Variants in DMD observed in about 807,000 individuals in gnomAD.
DMD encodes dystrophin.
In DMD, 63 loss-of-function variants were observed where a neutral mutation model predicts 330.1. The observed-to-expected ratio is 0.19, with a 90% CI of 0.16 to 0.24. The LOEUF is 0.24. Among genes scored for constraint, DMD ranks in the 10% least tolerant of loss-of-function variants. The probability of loss-of-function intolerance (pLI) is 1.00; values close to 1 mark genes in which losing one functional copy is unlikely to be tolerated. For synonymous variants in DMD, 1,223 were observed against 959.8 expected (o/e 1.27, Z -5.07); for missense variants, 3,344 against 2,684.1 (o/e 1.25, Z -5.43).
chrX:32,782,926 C>T (rs1310809640), intron 7 of DMD, among the ~76,000 whole-genome samples: 1 of 103,689 alleles, frequency 9.6e-6, no homozygotes, highest in Admixed American at 1.1e-4. Flanking sequence ...ACAAACACCC[C>T]ATGTACCCAC....
At chrX:32,728,788 T>C (rs1157299862) in intron 7 of DMD, among the ~76,000 whole-genome samples, 1 of 112,290 alleles carries the variant, frequency 8.9e-6, no homozygotes, top group Non-Finnish European at 1.9e-5. Context: ...GTTGGATTTA[T>C]TCTTATCTTT....
intron 67 of DMD, among the ~76,000 whole-genome samples, chrX:31,193,080 A>G (rs1052582744): frequency 1.3e-4 from 14 of 111,680 alleles, no homozygotes; most frequent in African/African-American, 4.6e-4. Context: ...ATTAGATGCT[A>G]CGGCATGTAT....
chrX:32,558,942 T>TTTTTTTTTTTTTTC lies in DMD; in HGVS notation c.1992+6759_1992+6760insGAAAAAAAAAAAAA, dbSNP rs1569199515. Reference sequence around the variant, plus strand: ...TGAGATGTAACTTCAAATTTTCTTTTTTTTTTTTTTTTTTTTTTTTTTTTT... The same window carrying TTTTTTTTTTTTTTC: ...TGAGATGTAACTTCAAATTTTCTTTTTTTTTTTTTTTTTCTTTTTTTTTTTTTTTTTTTTTTTTT... On this transcript the variant is annotated intron_variant, in intron 16 of 78. Transcript: ENST00000357033. Among the ~76,000 whole-genome samples the TTTTTTTTTTTTTTC allele has an allele frequency of 2.8e-3, 84 of 29,493 alleles. 1 individual carries two copies. The highest frequency in any genetic ancestry group is 0.011 in the African/African-American group (78 of 6,994). 25.6% of individuals were successfully genotyped at this position (29,493 alleles called of 115,157 possible). A position where few individuals can be genotyped will look rare whatever the true frequency, so the allele number is the denominator to read the frequency against.
chrX:33,337,505 T>A (rs754169209), intron 1 of DMD, among the ~76,000 whole-genome samples: 28 of 111,524 alleles, frequency 2.5e-4, no homozygotes, highest in African/African-American at 8.4e-4. Flanking sequence ...TAAACGGAAA[T>A]AATCAGAGTG....
At chrX:32,787,243 TGTGTGAGAGAGAGA>T (rs1456462033) in intron 7 of DMD, among the ~76,000 whole-genome samples, 2 of 93,550 alleles carry the variant, frequency 2.1e-5, no homozygotes, top group East Asian at 3.1e-4. Context: ...TGTGTGTGTG[TGTGTGAGAGAGAGA>T]GAGAGAGAGA....
intron 9 of DMD, among the ~76,000 whole-genome samples, chrX:32,675,879 G>A (rs756303707): frequency 5.4e-5 from 6 of 111,856 alleles, no homozygotes; most frequent in Non-Finnish European, 9.4e-5. Flanking sequence ...TCCAATATCA[G>A]TTAGTAATTT....
At position 33,211,463 on chromosome X, in the gene DMD, C is replaced by T; in HGVS notation, c.-151G>A. 1 of 1,132,393 alleles carries T rather than the reference C, an allele frequency of 8.8e-7. No individual in the cohort carries two copies. Among genetic ancestry groups the T allele is most frequent in the Non-Finnish European group, 1.2e-6 (1 of 855,370 alleles). The allele number at this position is 1,132,393 out of a possible 1,213,427, so 93.3% of individuals were successfully genotyped here. On this transcript the variant is annotated 5_prime_UTR_variant, in exon 1 of 79. Coordinates refer to ENST00000357033, the MANE Select transcript of DMD (RefSeq NM_004006.3). The stretch of plus-strand genomic sequence containing the variant: ...ACTTCAGTTTTTCCTATTCGTTTTT[C>T]TCCGAAGGTAATTGCCTCCCAGATC...
At chrX:33,033,554 C>CAAAAAAAAAAA (rs775790760) in intron 1 of DMD, among the ~76,000 whole-genome samples, 15 of 74,518 alleles carry the variant, frequency 2.0e-4, no homozygotes, top group African/African-American at 5.6e-4. Flanking sequence ...ACTAAAAATA[C>CAAAAAAAAAAA]AAAAAAAAAA....
intron 78 of DMD, among the ~76,000 whole-genome samples, chrX:31,124,359 G>T (rs2033306454): frequency 8.9e-6 from 1 of 111,741 alleles, no homozygotes; most frequent in Non-Finnish European, 1.9e-5. Context: ...ACAAACTACT[G>T]CCCTAAAGAA....
intron 1 of DMD, among the ~76,000 whole-genome samples, chrX:33,034,127 T>A (rs906367214): frequency 2.7e-5 from 3 of 111,103 alleles, no homozygotes; most frequent in Admixed American, 9.6e-5. Flanking sequence ...AAAGTTCATA[T>A]ATGCATGTGT....
At chrX:32,117,653 G>A (rs938373325) in intron 44 of DMD, among the ~76,000 whole-genome samples, 20 of 112,244 alleles carry the variant, frequency 1.8e-4, no homozygotes, top group African/African-American at 5.8e-4. Context: ...TGGGAGAAGA[G>A]TGAATTTTAG....
chrX:32,427,379 CTG>C lies in DMD; in HGVS notation c.4071+10860_4071+10861del, dbSNP rs745720427. Among the ~76,000 whole-genome samples, 6 of 110,898 alleles carry C rather than the reference CTG, an allele frequency of 5.4e-5. No homozygotes were observed. The South Asian group carries it at 2.3e-3, about 42-fold the overall frequency. On this transcript the variant is annotated intron_variant, in intron 29 of 78. Coordinates refer to ENST00000357033, the MANE Select transcript of DMD (RefSeq NM_004006.3). The stretch of plus-strand genomic sequence containing the variant: ...ATGGTCTGAAGTTAAGGGCAAAAGT[CTG>C]TGCCAGAGATAATATTTTGGGAATA...
intron 62 of DMD, among the ~76,000 whole-genome samples, chrX:31,294,646 T>C (rs1258148776): frequency 8.9e-6 from 1 of 112,365 alleles, no homozygotes; most frequent in Non-Finnish European, 1.9e-5. Context: ...TCTAATTAGC[T>C]GACTGAATAC....
chrX:32,725,362 A>C (rs940455158), intron 7 of DMD, among the ~76,000 whole-genome samples: 1 of 111,001 alleles, frequency 9.0e-6, no homozygotes, highest in Admixed American at 9.7e-5. Context: ...GCATGTGTTT[A>C]TATACATGCT....
intron 76 of DMD, among the ~76,000 whole-genome samples, chrX:31,140,848 A>G (rs1307072487): frequency 8.9e-6 from 1 of 111,855 alleles, no homozygotes; most frequent in Non-Finnish European, 1.9e-5. Context: ...GTCCTTAAGG[A>G]GCTTAAGTTC....
intron 7 of DMD, among the ~76,000 whole-genome samples, chrX:32,734,833 C>G (rs762588899): frequency 0.041 from 4,188 of 101,561 alleles, 348 homozygotes; most frequent in African/African-American, 0.16. Flanking sequence ...AAACTGGAAG[C>G]ATTCCCTTTG....
At chrX:33,227,062 A>T (rs2052305626) in intron 1 of DMD, among the ~76,000 whole-genome samples, 1 of 110,049 alleles carries the variant, frequency 9.1e-6, no homozygotes, top group Non-Finnish European at 1.9e-5. Flanking sequence ...TGCAAATCAG[A>T]ATTCTGGGTA....
At chrX:33,152,240 G>T (rs2048311735) in intron 1 of DMD, among the ~76,000 whole-genome samples, 1 of 109,370 alleles carries the variant, frequency 9.1e-6, no homozygotes, top group South Asian at 4.1e-4. Flanking sequence ...CCCAATCTTG[G>T]CTCACTGCAA....
intron 47 of DMD, among the ~76,000 whole-genome samples, chrX:31,904,936 T>C (rs1436972339): frequency 8.9e-6 from 1 of 111,984 alleles, no homozygotes; most frequent in Non-Finnish European, 1.9e-5. Context: ...GAAACAAATA[T>C]AGTAACATAA....
Sources: gnomAD v4.1 joint callset for allele counts (sites outside exome capture counted in the v4.1 genomes callset) on GRCh38, gnomAD v4.1.1 for gene constraint, MANE v1.5 for transcripts, NCBI Gene and HGNC (gene_info 2026-07-23, HGNC 2026-07-21) for gene names.